Variants in SEPTIN11 observed in about 807,000 individuals in gnomAD.
The protein encoded by SEPTIN11 is septin-11.
SEPTIN11 carries 25 observed loss-of-function variants against 51.4 expected under a neutral mutation model. That is an observed-to-expected ratio of 0.49 (90% confidence interval 0.35 to 0.68). SEPTIN11 has a LOEUF of 0.68. Among genes scored for constraint, SEPTIN11 ranks in the 30% least tolerant of loss-of-function variants. The pLI is 0.00. For missense variants in SEPTIN11, 381 were observed against 520.8 expected, an observed-to-expected ratio of 0.73 and a Z score of 2.61; for synonymous variants, 174 against 184.1, an observed-to-expected ratio of 0.95 and a Z score of 0.44.
intron 1 of SEPTIN11, among the ~76,000 whole-genome samples, chr4:76,985,692 G>A (rs1228741479): frequency 6.6e-6 from 1 of 152,202 alleles, no homozygotes; most frequent in Non-Finnish European, 1.5e-5. Flanking sequence ...TGTAATGGAG[G>A]GAAGGTGGGC....
chr4:77,014,610 C>A (rs1490688667), intron 4 of SEPTIN11, among the ~76,000 whole-genome samples: 2 of 151,004 alleles, frequency 1.3e-5, no homozygotes, highest in Non-Finnish European at 2.9e-5. Context: ...CTCAGGTCTT[C>A]TTAATTTTTC....
chr4:76,981,517 T>G (rs929915149), intron 1 of SEPTIN11, among the ~76,000 whole-genome samples: 2 of 152,226 alleles, frequency 1.3e-5, no homozygotes, highest in East Asian at 3.8e-4. Flanking sequence ...CAACTTTCTC[T>G]TACACCTAGG....
intron 7 of SEPTIN11, among the ~76,000 whole-genome samples, chr4:77,028,180 A>G (rs1294309149): frequency 6.6e-6 from 1 of 152,158 alleles, no homozygotes; most frequent in Admixed American, 6.6e-5. Flanking sequence ...TCCACGTCTT[A>G]GACCTTGGAG....
At position 77,036,387 on chromosome 4, in the gene SEPTIN11, A is replaced by G; in HGVS notation, c.*1875A>G. 1.8e-6 allele frequency: 2 copies of G among 1,084,336 alleles called. No individual in the cohort carries two copies. The highest frequency in any genetic ancestry group is 2.2e-6 in the Non-Finnish European group (2 of 891,218). The allele number at this position is 1,084,336 out of a possible 1,614,324, so 67.2% of individuals were successfully genotyped here. ...TTTGCTCATAGGCTGTGCATCAGAC[A>G]AAAGCTTGAATATTTGTGTTGTATG... On this transcript the variant is annotated 3_prime_UTR_variant, in exon 10 of 10. Transcript: ENST00000264893.
At chr4:76,989,333 AT>A (rs1723224458) in intron 1 of SEPTIN11, among the ~76,000 whole-genome samples, 1 of 152,238 alleles carries the variant, frequency 6.6e-6, no homozygotes, top group African/African-American at 2.4e-5. Flanking sequence ...CTAAACTTAA[AT>A]TGTAATACCT....
chr4:76,962,471 G>A (rs1721863048), intron 1 of SEPTIN11, among the ~76,000 whole-genome samples: 1 of 152,202 alleles, frequency 6.6e-6, no homozygotes, highest in Non-Finnish European at 1.5e-5. Flanking sequence ...GTACCCCCTG[G>A]TTTAGGATCA....
intron 1 of SEPTIN11, among the ~76,000 whole-genome samples, chr4:76,955,928 G>C (rs1270812267): frequency 1.3e-5 from 2 of 152,126 alleles, no homozygotes; most frequent in African/African-American, 4.8e-5. Context: ...GTGGGGCTGG[G>C]GGGGAAGATG....
chr4:77,013,711 A>G (rs1438485983), intron 4 of SEPTIN11, among the ~76,000 whole-genome samples: 1 of 152,220 alleles, frequency 6.6e-6, no homozygotes, highest in African/African-American at 2.4e-5. Context: ...TCAGCATGTC[A>G]TCTCATTCGG....
At chr4:77,012,456 A>C (rs1724943684) in intron 4 of SEPTIN11, among the ~76,000 whole-genome samples, 1 of 152,206 alleles carries the variant, frequency 6.6e-6, no homozygotes, top group African/African-American at 2.4e-5. Flanking sequence ...AAGTTTGATA[A>C]AATTTTGCAC....
chr4:76,969,681 A>G (rs1722165129), intron 1 of SEPTIN11, among the ~76,000 whole-genome samples: 1 of 152,200 alleles, frequency 6.6e-6, no homozygotes. Context: ...TGGTTCATAA[A>G]GATTAGAGTG....
At position 77,034,540 on chromosome 4, in the gene SEPTIN11, A is replaced by G; in HGVS notation, c.*28A>G. ...CCTGGCAAGCCAAGGATGTTCCCGC[A>G]TTCACCTGCTTTTGCAGTAATATCG... On this transcript the variant is annotated 3_prime_UTR_variant, in exon 10 of 10. Transcript: ENST00000264893. 6.4e-7 allele frequency: 1 copy of G among 1,551,166 alleles called. No individual in the cohort carries two copies. Among genetic ancestry groups the G allele is most frequent in the Non-Finnish European group, 8.7e-7 (1 of 1,153,774 alleles).
At chr4:77,000,594 C>T (rs997876155) in intron 2 of SEPTIN11, among the ~76,000 whole-genome samples, 5 of 152,082 alleles carry the variant, frequency 3.3e-5, no homozygotes, top group Non-Finnish European at 7.4e-5. Flanking sequence ...TAAACACAAG[C>T]AAAAAGTTTA....
At chr4:77,022,647 C>T (rs973284217) in intron 7 of SEPTIN11, among the ~76,000 whole-genome samples, 4 of 152,148 alleles carry the variant, frequency 2.6e-5, no homozygotes, top group African/African-American at 4.8e-5. Flanking sequence ...AACCCCTAGA[C>T]GAGATCATAA....
chr4:76,962,722 A>C (rs1180479340), intron 1 of SEPTIN11, among the ~76,000 whole-genome samples: 2 of 152,234 alleles, frequency 1.3e-5, no homozygotes, highest in African/African-American at 4.8e-5. Flanking sequence ...TTAGTCCAGA[A>C]TAAGGGGAAA....
chr4:77,022,489 C>T (rs912085165), intron 7 of SEPTIN11, among the ~76,000 whole-genome samples: 2 of 152,190 alleles, frequency 1.3e-5, no homozygotes, highest in East Asian at 1.9e-4. Context: ...GCCAAACGGT[C>T]TCTGTCACAA....
chr4:77,012,738 A>C (rs922521213), intron 4 of SEPTIN11, among the ~76,000 whole-genome samples: 3 of 152,178 alleles, frequency 2.0e-5, no homozygotes, highest in Admixed American at 6.5e-5. Flanking sequence ...ACAGTGAGAG[A>C]ATGCTCAGAA....
chr4:77,004,788 C>T (rs1013762350), intron 2 of SEPTIN11, among the ~76,000 whole-genome samples: 4 of 152,056 alleles, frequency 2.6e-5, no homozygotes, highest in Non-Finnish European at 5.9e-5. Flanking sequence ...CATGGTGAAA[C>T]CCCGTCTCTA....
Position 77,020,518 on chromosome 4 carries a change from T to C in SEPTIN11, c.801T>C (p.His267=), listed in dbSNP as rs1311714703. 6.2e-7 allele frequency: 1 copy of C among 1,614,034 alleles called. No individual in the cohort carries two copies. The highest frequency in any genetic ancestry group is 2.2e-5 in the East Asian group (1 of 44,868). Residue 267 remains histidine (H), a synonymous_variant, in exon 7 of 10, where the codon CAT becomes CAC. Coordinates refer to ENST00000264893, the MANE Select transcript of SEPTIN11 (RefSeq NM_018243.4). Reference sequence around the variant, plus strand: ...CTCTTGTAGTTGAGAATGAAAATCATTGCGATTTTGTGAAACTTCGAGAGA... The same window carrying C: ...CTCTTGTAGTTGAGAATGAAAATCACTGCGATTTTGTGAAACTTCGAGAGA... ...WGVVQVENEN[H]CDFVKLREML...
chr4:76,956,474 G>A (rs1253607609), intron 1 of SEPTIN11, among the ~76,000 whole-genome samples: 1 of 152,228 alleles, frequency 6.6e-6, no homozygotes, highest in Non-Finnish European at 1.5e-5. Context: ...TTGGCCCCAT[G>A]TTTTGGTGGC....
Sources: gnomAD v4.1 joint callset for allele counts (sites outside exome capture counted in the v4.1 genomes callset) on GRCh38, gnomAD v4.1.1 for gene constraint, MANE v1.5 for transcripts, NCBI Gene and HGNC (gene_info 2026-07-23, HGNC 2026-07-21) for gene names.